Variants in FAM110B observed in about 807,000 individuals in gnomAD.
FAM110B encodes the protein protein FAM110B.
In FAM110B, 6 loss-of-function variants were observed where a neutral mutation model predicts 20.4. That is an observed-to-expected ratio of 0.29 (90% CI 0.16 to 0.58). FAM110B has a LOEUF of 0.58. FAM110B is among the 20% of genes least tolerant of loss of function. The pLI, the probability that FAM110B is intolerant of heterozygous loss-of-function variation, is 0.90. For synonymous variants in FAM110B, 226 were observed against 214.1 expected, an observed-to-expected ratio of 1.06 and a Z score of -0.49; for missense variants, 434 against 498.2, an observed-to-expected ratio of 0.87 and a Z score of 1.23.
rs767139353 is a variant in FAM110B, at chr8:58,146,575, C to T, written c.345C>T (p.Asn115=). 3 of 1,614,002 alleles carry T rather than the reference C, an allele frequency of 1.9e-6. No individual in the cohort carries two copies. The highest frequency in any genetic ancestry group is 1.7e-6 in the Non-Finnish European group (2 of 1,179,942). ...AKTESGVQRE[N]LKLEILKNII... is the part of the protein sequence containing the mutation. ...CCGAGAGCGGCGTGCAGAGGGAGAACCTGAAGCTGGAGATCCTGAAGAACA... is the reference window on the plus strand; with the variant it reads ...CCGAGAGCGGCGTGCAGAGGGAGAATCTGAAGCTGGAGATCCTGAAGAACA... Residue 115 remains asparagine (N), a synonymous_variant, in exon 4 of 4, where the codon AAC becomes AAT. Transcript: ENST00000519262.
intron 3 of FAM110B, among the ~76,000 whole-genome samples, chr8:58,109,361 A>G (rs1036981978): frequency 1.3e-5 from 2 of 152,098 alleles, no homozygotes; most frequent in Non-Finnish European, 2.9e-5. Flanking sequence ...ACAGGAATAA[A>G]TTTTTGCTAT....
chr8:58,146,049 A>G lies in FAM110B; in HGVS notation c.-182A>G, dbSNP rs1463929231. ...GCCGCCTGGAAGGGGAGAAAAGTGT[A>G]TGAAAGCCACCGTGGCGGTTAATGA... On this transcript the variant is annotated 5_prime_UTR_variant, in exon 4 of 4. An upstream start codon of the reference 5' UTR is lost. Transcript: ENST00000519262. 4 of 654,760 alleles carry G rather than the reference A, an allele frequency of 6.1e-6. No individual in the cohort carries two copies. Among genetic ancestry groups the G allele is most frequent in the South Asian group, 2.3e-5 (1 of 42,938 alleles). 40.6% of individuals were successfully genotyped at this position (654,760 alleles called of 1,614,324 possible). A position where few individuals can be genotyped will look rare whatever the true frequency, so the allele number is the denominator to read the frequency against.
intron 1 of FAM110B, among the ~76,000 whole-genome samples, chr8:58,000,746 G>T (rs187288174): frequency 6.6e-6 from 1 of 152,140 alleles, no homozygotes; most frequent in Admixed American, 6.6e-5. Flanking sequence ...TCCTGATTAC[G>T]CTTGTGTGTT....
intron 2 of FAM110B, among the ~76,000 whole-genome samples, chr8:58,055,457 T>G (rs1805527722): frequency 6.6e-6 from 1 of 152,228 alleles, no homozygotes; most frequent in Non-Finnish European, 1.5e-5. Flanking sequence ...CTACCACTCC[T>G]GATCTACAGA....
chr8:58,044,067 A>C (rs951831439), intron 2 of FAM110B, among the ~76,000 whole-genome samples: 1 of 152,362 alleles, frequency 6.6e-6, no homozygotes, highest in Non-Finnish European at 1.5e-5. Flanking sequence ...GAATATGAAT[A>C]CTATTTTTCT....
chr8:58,014,072 C>G (rs1030127495), intron 1 of FAM110B, among the ~76,000 whole-genome samples: 1 of 152,024 alleles, frequency 6.6e-6, no homozygotes, highest in Non-Finnish European at 1.5e-5. Context: ...GGAAAAGGCC[C>G]GAGCCAAACT....
intron 3 of FAM110B, chr8:58,091,427 C>G (rs1468764223): frequency 6.6e-6 from 1 of 152,144 alleles, no homozygotes; most frequent in African/African-American, 2.4e-5. Flanking sequence ...CTTATGCTCG[C>G]CAAGGCCCTG....
At chr8:58,139,095 G>A (rs1004088341) in intron 3 of FAM110B, among the ~76,000 whole-genome samples, 12 of 152,234 alleles carry the variant, frequency 7.9e-5, no homozygotes, top group Non-Finnish European at 1.3e-4. Context: ...CACAGAGCAA[G>A]AGGATACTTT....
intron 1 of FAM110B, among the ~76,000 whole-genome samples, chr8:58,024,038 T>C (rs903559091): frequency 3.9e-5 from 6 of 152,348 alleles, no homozygotes; most frequent in African/African-American, 1.2e-4. Flanking sequence ...CATCATGGCA[T>C]TTTCCAGAAT....
In FAM110B at chr8:58,146,948, G is replaced by A. The variant is rs1486820775; in HGVS notation, c.718G>A (p.Glu240Lys). ...AGCCATCGCCTCCATGAAGTCCCCC[G>A]AGGCCGACCCTGTGGAACCAGCTTG... ...IAAIASMKSP[E>K]ADPVEPACGV... Residue 240 changes from glutamate (E) to lysine (K), a missense_variant, in exon 4 of 4, where the codon GAG becomes AAG. Glu to Lys is a moderately conservative substitution (Grantham distance 56). Transcript: ENST00000519262. The A allele has an allele frequency of 1.9e-6, 3 of 1,614,114 alleles. No individual in the cohort carries two copies. Among genetic ancestry groups the A allele is most frequent in the Non-Finnish European group, 2.5e-6 (3 of 1,180,028 alleles).
intron 1 of FAM110B, among the ~76,000 whole-genome samples, chr8:58,010,686 G>A (rs1391652905): frequency 5.9e-5 from 9 of 152,238 alleles, no homozygotes. Flanking sequence ...AGAGGCACAT[G>A]TGTGTAGGGT....
intron 3 of FAM110B, among the ~76,000 whole-genome samples, chr8:58,112,275 GCCAAGAT>G (rs1807077304): frequency 2.6e-5 from 4 of 152,344 alleles, no homozygotes; most frequent in African/African-American, 9.6e-5. Context: ...GTTGCAGTGA[GCCAAGAT>G]TGAGCCACTG....
chr8:58,036,201 C>T lies in FAM110B; in HGVS notation c.-414+4498C>T, dbSNP rs148444853. On this transcript the variant is annotated intron_variant, in intron 2 of 3. Coordinates refer to ENST00000519262, the MANE Select transcript of FAM110B (RefSeq NM_001377989.1). ...AGAGTGGTTTTATCAGTGTCCTTTG[C>T]TACATCTTTTCTCAGCTAATTTGGG... 7.8e-3 allele frequency among the ~76,000 whole-genome samples: 1,182 copies of T among 152,292 alleles called. 4 individuals are homozygous for T. Among genetic ancestry groups the T allele is most frequent in the Non-Finnish European group, 0.012 (840 of 68,028 alleles).
At chr8:58,135,716 GGCAC>G (rs1803594887) in intron 3 of FAM110B, among the ~76,000 whole-genome samples, 1 of 151,944 alleles carries the variant, frequency 6.6e-6, no homozygotes, top group South Asian at 2.1e-4. Flanking sequence ...AGAAGCACTG[GGCAC>G]GGCTCCCCAA....
intron 3 of FAM110B, among the ~76,000 whole-genome samples, chr8:58,131,612 G>A (rs1202919264): frequency 6.6e-6 from 1 of 152,146 alleles, no homozygotes; most frequent in African/African-American, 2.4e-5. Flanking sequence ...TAAGTCAACA[G>A]TAATTTCCAC....
intron 1 of FAM110B, among the ~76,000 whole-genome samples, chr8:58,029,159 C>A (rs1441789777): frequency 1.3e-5 from 2 of 152,190 alleles, no homozygotes; most frequent in Non-Finnish European, 2.9e-5. Context: ...TCAGTCTGAA[C>A]TGATAGAACT....
chr8:58,053,026 C>A (rs1805482853), intron 2 of FAM110B, among the ~76,000 whole-genome samples: 1 of 151,304 alleles, frequency 6.6e-6, no homozygotes, highest in Non-Finnish European at 1.5e-5. Flanking sequence ...ACCTCGTGAT[C>A]CGCCCGCCTC....
chr8:58,146,482 G>A lies in FAM110B; in HGVS notation c.252G>A (p.Pro84=), dbSNP rs1292330760. 3.1e-6 allele frequency: 5 copies of A among 1,613,620 alleles called. No individual in the cohort carries two copies. Among genetic ancestry groups the A allele is most frequent in the Middle Eastern group, 1.7e-4 (1 of 6,060 alleles). ...AGCCCGCCGTGCTGGCCAAGCCCCC[G>A]GTGTGCCCGGCTGCCAAGCGCGCAC... The part of the protein sequence containing the change: ...PVKPAVLAKP[P]VCPAAKRALG... The change falls in exon 4 of 4, where the codon CCG becomes CCA. Residue 84 remains proline (P), a synonymous_variant. Coordinates refer to ENST00000519262, the MANE Select transcript of FAM110B (RefSeq NM_001377989.1).
intron 3 of FAM110B, among the ~76,000 whole-genome samples, chr8:58,135,466 C>G (rs912637670): frequency 2.0e-5 from 3 of 152,142 alleles, no homozygotes; most frequent in African/African-American, 7.2e-5. Context: ...CTTTTTCTCC[C>G]TTCAAATTTA....
Sources: allele counts gnomAD v4.1 joint callset (sites outside exome capture counted in the v4.1 genomes callset), GRCh38; gene constraint gnomAD v4.1.1; transcripts MANE v1.5; gene names NCBI Gene and HGNC (gene_info 2026-07-23, HGNC 2026-07-21).